The following IKBKB variants were observed in gnomAD, a reference collection of about 807,000 sequenced individuals.
The protein encoded by IKBKB is inhibitor of nuclear factor kappa-B kinase subunit beta.
Under a neutral mutation model 113.6 loss-of-function variants are expected in IKBKB, and 42 were observed. That is an observed-to-expected ratio of 0.37 (90% confidence interval 0.29 to 0.48). The LOEUF is 0.48. Ranked by LOEUF, IKBKB falls within the 20% of genes least tolerant of loss-of-function variation. IKBKB has a pLI of 0.99. For synonymous variants in IKBKB, 296 were observed against 361.3 expected (o/e 0.82, Z 2.05); for missense variants, 673 against 939.7 (o/e 0.72, Z 3.71).
In IKBKB at chr8:42,319,377, A is replaced by G. The variant is rs200661427; in HGVS notation, c.1472A>G (p.Gln491Arg). ...TTGGATTTCTTCAAAACCAGCATCC[A>G]GATTGACCTGGAGAAGTACAGCGAG... is the stretch of plus-strand genomic sequence containing the variant. ...AKLDFFKTSI[Q>R]IDLEKYSEQT... The change falls in exon 14 of 22, where the codon CAG becomes CGG. Residue 491 changes from glutamine to arginine, a missense_variant. Around this residue, in one of 2 missense-constraint regions of IKBKB, gnomAD observed 506 missense variants for 638.7 expected, o/e 0.79. Coordinates refer to ENST00000520810, the MANE Select transcript of IKBKB (RefSeq NM_001556.3). 6.8e-6 allele frequency: 11 copies of G among 1,614,246 alleles called. No homozygotes were observed. The highest frequency in any genetic ancestry group is 2.7e-5 in the African/African-American group (2 of 75,062).
rs1316314871 is a variant in IKBKB, at chr8:42,316,909, G to A, written c.1125+5G>A. The A allele has an allele frequency of 1.9e-6, 3 of 1,613,640 alleles. No individual in the cohort carries two copies. The highest frequency in any genetic ancestry group is 2.2e-5 in the East Asian group (1 of 44,872). On this transcript the variant is annotated splice_donor_5th_base_variant and intron_variant, in intron 11 of 21. Coordinates refer to ENST00000520810, the MANE Select transcript of IKBKB (RefSeq NM_001556.3). The surrounding 1 kb of genome is among the most constrained non-coding windows in gnomAD (Gnocchi z 4.5). ...CAGTGTATTTCAGACGGCAAGGTGA[G>A]CCCTGGCTTCGTACACACCATCCTG...
Position 42,318,908 on chromosome 8 carries a change from G to A in IKBKB, c.1364+233G>A, listed in dbSNP as rs1210370310. 1.1e-5 allele frequency: 6 copies of A among 538,410 alleles called. No homozygotes were observed. The South Asian group carries it at 1.5e-4, about 13-fold the overall frequency. The allele number at this position is 538,410 out of a possible 1,614,324, so 33.4% of individuals were successfully genotyped here. On this transcript the variant is annotated intron_variant, in intron 13 of 21. Transcript: ENST00000520810. ...GGGTGAGGAGTGTGGAACTGAAGCT[G>A]GGCTGGCCAAGCTGTGGCTGGTTTG...
chr8:42,316,627 G>A lies in IKBKB; in HGVS notation c.931-83G>A, dbSNP rs1369979626. 3.1e-6 allele frequency: 4 copies of A among 1,306,168 alleles called. No homozygotes were observed. The highest frequency in any genetic ancestry group is 4.2e-6 in the Non-Finnish European group (4 of 945,210). The allele number at this position is 1,306,168 out of a possible 1,614,324, so 80.9% of individuals were successfully genotyped here. A position where few individuals can be genotyped will look rare whatever the true frequency, so the allele number is the denominator to read the frequency against. On this transcript the variant is annotated intron_variant, in intron 10 of 21. Transcript: ENST00000520810. This position sits in a 1 kb window ranked among gnomAD's most constrained non-coding sequence, Gnocchi z 4.5. Reference sequence around the variant, plus strand: ...TTTGTGTGGTTGGGAAATGTTGGGAGTAGCAGAGAGAGGACCTAGGCAAAT... The same window carrying A: ...TTTGTGTGGTTGGGAAATGTTGGGAATAGCAGAGAGAGGACCTAGGCAAAT...
At chr8:42,271,675 G>T in intron 1 of IKBKB, 1 of 532,726 alleles carries the variant, frequency 1.9e-6, no homozygotes, top group Non-Finnish European at 3.3e-6. Context: ...GGCTTTGAGG[G>T]GAACCTGCGA....
chr8:42,297,790 G>A (rs1193516852), intron 5 of IKBKB, among the ~76,000 whole-genome samples: 1 of 152,144 alleles, frequency 6.6e-6, no homozygotes, highest in Non-Finnish European at 1.5e-5. Context: ...AGCTACTCAG[G>A]AGACTGAGGC....
intron 6 of IKBKB, among the ~76,000 whole-genome samples, chr8:42,306,069 G>C (rs10105951): frequency 0.12 from 17,660 of 152,246 alleles, 1,887 homozygotes; most frequent in African/African-American, 0.27. Context: ...TTGAGGGCTG[G>C]TGCCTGTTCT....
intron 20 of IKBKB, 126 bp downstream of exon 20, chr8:42,326,223 T>G: frequency 8.5e-7 from 1 of 1,182,682 alleles, no homozygotes; most frequent in Non-Finnish European, 1.2e-6. Flanking sequence ...GTTTGTTGCA[T>G]CTGCTGGGTC....
intron 5 of IKBKB, among the ~76,000 whole-genome samples, chr8:42,304,282 T>G (rs914193029): frequency 6.6e-6 from 1 of 152,246 alleles, no homozygotes; most frequent in Non-Finnish European, 1.5e-5. Context: ...ATTTCAGTAC[T>G]ATTTATTTCA....
chr8:42,330,997 C>A lies in IKBKB; in HGVS notation c.*18C>A. On this transcript the variant is annotated 3_prime_UTR_variant, in exon 22 of 22. Coordinates refer to ENST00000520810, the MANE Select transcript of IKBKB (RefSeq NM_001556.3). ...CCTCATGATGTGGGGGGACTCGACCCCCTGACATGGGGCAGCCCATAGCAG... is the reference window on the plus strand; with the variant it reads ...CCTCATGATGTGGGGGGACTCGACCACCTGACATGGGGCAGCCCATAGCAG... The A allele has an allele frequency of 6.2e-7, 1 of 1,602,840 alleles. No homozygotes were observed. The highest frequency in any genetic ancestry group is 1.7e-4 in the Middle Eastern group (1 of 6,000).
intron 13 of IKBKB, 37 bp downstream of exon 13, chr8:42,318,712 T>G (rs761297277): frequency 6.4e-7 from 1 of 1,557,290 alleles, no homozygotes; most frequent in African/African-American, 1.4e-5. Context: ...CTTAATTTAT[T>G]TAAAATTCCT....
At position 42,271,453 on chromosome 8, in the gene IKBKB, C is replaced by T. The variant is rs889504126; in HGVS notation, c.-35C>T. 23 of 1,382,040 alleles carry T rather than the reference C, an allele frequency of 1.7e-5. No homozygotes were observed. The highest frequency in any genetic ancestry group is 2.2e-5 in the Non-Finnish European group (22 of 1,012,752). 85.6% of individuals were successfully genotyped at this position (1,382,040 alleles called of 1,614,324 possible). On this transcript the variant is annotated 5_prime_UTR_variant, in exon 1 of 22. Transcript: ENST00000520810. ...GCCCCGGGGAGCCCGCCCCCTGCCC[C>T]GCGTCCCTGCCGACAGGTGAGTCCC...
chr8:42,273,149 G>A (rs956485392), intron 2 of IKBKB, among the ~76,000 whole-genome samples: 1 of 151,852 alleles, frequency 6.6e-6, no homozygotes, highest in Non-Finnish European at 1.5e-5. Flanking sequence ...GGGTGCAGTG[G>A]CTTACACCTG....
In IKBKB at chr8:42,320,356, CG is replaced by C. The variant is rs1436855280; in HGVS notation, c.1579-376del. ...ATAAAACAGTCTGGGCCTCCCTGCC[CG>C]GGTAGCATCAGGATAGACAGATGAA... On this transcript the variant is annotated intron_variant, in intron 15 of 21. Transcript: ENST00000520810. The C allele has an allele frequency of 1.6e-5, 3 of 189,608 alleles. No individual in the cohort carries two copies. The East Asian group carries it at 5.2e-4, about 33-fold the overall frequency. 11.7% of individuals were successfully genotyped at this position (189,608 alleles called of 1,614,324 possible). A position where few individuals can be genotyped will look rare whatever the true frequency, so the allele number is the denominator to read the frequency against.
intron 5 of IKBKB, among the ~76,000 whole-genome samples, chr8:42,304,830 T>C (rs1323229843): frequency 6.6e-6 from 1 of 152,210 alleles, no homozygotes; most frequent in East Asian, 1.9e-4. Context: ...TTAACACAGA[T>C]CGTGGGGTCA....
intron 19 of IKBKB, 59 bp from the exon 20 acceptor site, chr8:42,325,911 G>A (rs1037477068): frequency 1.4e-5 from 23 of 1,605,358 alleles, no homozygotes; most frequent in South Asian, 4.4e-5. Flanking sequence ...ATACTGTGGC[G>A]TGAATGCAAA....
chr8:42,309,439 A>C (rs1186048652), intron 8 of IKBKB: 1 of 383,986 alleles, frequency 2.6e-6, no homozygotes, highest in East Asian at 7.7e-5. Context: ...CTACAACCTG[A>C]ATATAAATTT....
At chr8:42,288,985 G>A (rs1014345919) in intron 3 of IKBKB, among the ~76,000 whole-genome samples, 8 of 152,282 alleles carry the variant, frequency 5.3e-5, no homozygotes, top group African/African-American at 1.7e-4. Context: ...GAACACCAGG[G>A]AAGGGGGAAG....
At chr8:42,320,075 AG>A in intron 15 of IKBKB, 1 of 162,566 alleles carries the variant, frequency 6.2e-6, no homozygotes, top group Non-Finnish European at 1.3e-5. Context: ...CACCAAAAAA[AG>A]TTAATTATGA....
At chr8:42,293,585 C>T in intron 5 of IKBKB, 73 bp downstream of exon 5, 1 of 1,612,348 alleles carries the variant, frequency 6.2e-7, no homozygotes, top group Non-Finnish European at 8.5e-7. Context: ...CCCTGCGGAG[C>T]CCTGCAGGCA....
Sources: gnomAD v4.1 joint callset for allele counts (sites outside exome capture counted in the v4.1 genomes callset) on GRCh38, gnomAD v4.1.1 for gene constraint, gnomAD v4.1.1 regional missense constraint, Gnocchi (gnomAD v3.1) non-coding constraint, MANE v1.5 for transcripts, NCBI Gene and HGNC (gene_info 2026-07-23, HGNC 2026-07-21) for gene names.